FLYWCH2: variants seen among roughly 807,000 people sequenced by gnomAD.
FLYWCH2 encodes FLYWCH family member 2.
Under a neutral mutation model 6.0 loss-of-function variants are expected in FLYWCH2, and 2 were observed. That is an observed-to-expected ratio of 0.33 (90% CI 0.14 to 1.04). The LOEUF (loss-of-function observed/expected upper bound fraction) is 1.04, where lower values mean the gene tolerates loss of function less well. Ranked by LOEUF, FLYWCH2 falls within the 50% of genes least tolerant of loss-of-function variation. FLYWCH2 has a pLI of 0.45. For synonymous variants in FLYWCH2, 87 were observed against 79.3 expected (o/e 1.10, Z -0.52); for missense variants, 192 against 183.4 (o/e 1.05, Z -0.27).
intron 1 of FLYWCH2, among the ~76,000 whole-genome samples, chr16:2,890,286 T>C (rs1222260300): frequency 6.6e-6 from 1 of 151,872 alleles, no homozygotes; most frequent in African/African-American, 2.4e-5. Flanking sequence ...TCTCGCTCTG[T>C]TGCCCAGGCT....
chr16:2,885,116 A>C (rs574193540), intron 1 of FLYWCH2, among the ~76,000 whole-genome samples: 1 of 152,200 alleles, frequency 6.6e-6, no homozygotes, highest in South Asian at 2.1e-4. Flanking sequence ...AGGTCAGGAG[A>C]TCGAGACCAT....
chr16:2,896,690 C>T lies in FLYWCH2; in HGVS notation c.241C>T (p.Leu81Phe). 1 of 1,613,080 alleles carries T rather than the reference C, an allele frequency of 6.2e-7. No individual in the cohort carries two copies. Among genetic ancestry groups the T allele is most frequent in the Non-Finnish European group, 8.5e-7 (1 of 1,179,882 alleles). Residue 81 changes from leucine to phenylalanine, a missense_variant, in exon 3 of 4, where the codon CTC (leucine) becomes TTC (phenylalanine). Coordinates refer to ENST00000396958, the MANE Select transcript of FLYWCH2 (RefSeq NM_138439.3). ...CCCCGCCACCCTTGCCAAGGCCCTC[C>T]TCCAGACCCACCCCGAGGCCCAGCG... ...PGPATLAKAL[L>F]QTHPEAQRAI...
chr16:2,889,189 A>G (rs1457943829), intron 1 of FLYWCH2, among the ~76,000 whole-genome samples: 1 of 145,990 alleles, frequency 6.8e-6, no homozygotes, highest in African/African-American at 2.5e-5. Flanking sequence ...TCATTTTTCA[A>G]TCTGTTCTTC....
chr16:2,886,193 T>A (rs1396029630), intron 1 of FLYWCH2, among the ~76,000 whole-genome samples: 1 of 152,094 alleles, frequency 6.6e-6, no homozygotes, highest in East Asian at 1.9e-4. Flanking sequence ...TATTATTTTT[T>A]TTTTTTAGAC....
chr16:2,894,608 C>T (rs1332705389), intron 1 of FLYWCH2, among the ~76,000 whole-genome samples: 3 of 152,214 alleles, frequency 2.0e-5, no homozygotes, highest in Non-Finnish European at 4.4e-5. Context: ...GTTGGCTTGT[C>T]CGGAGGCGGA....
intron 1 of FLYWCH2, among the ~76,000 whole-genome samples, chr16:2,893,279 C>G (rs2069780272): frequency 6.6e-6 from 1 of 152,274 alleles, no homozygotes; most frequent in South Asian, 2.1e-4. Context: ...AGTCCCAACC[C>G]TCTAACCCTG....
At chr16:2,884,078 C>A (rs1016831927) in intron 1 of FLYWCH2, among the ~76,000 whole-genome samples, 2 of 152,168 alleles carry the variant, frequency 1.3e-5, no homozygotes, top group Admixed American at 6.5e-5. Flanking sequence ...TCAATAACAG[C>A]CCCGCTGTGG....
rs574216581 is a variant in FLYWCH2 at position 2,884,610 on chromosome 16, C to T, written c.-200+1244C>T. On this transcript the variant is annotated intron_variant, in intron 1 of 3. Coordinates refer to ENST00000396958, the MANE Select transcript of FLYWCH2 (RefSeq NM_138439.3). The stretch of plus-strand genomic sequence containing the variant: ...ATTAGTCGGGGCCGGCGCGGTGGCT[C>T]ACGCCTGTAATCCCAGCACTTTGGG... Among the ~76,000 whole-genome samples, 232 of 149,576 alleles carry T rather than the reference C, an allele frequency of 1.6e-3. 1 individual carries two copies. The highest frequency in any genetic ancestry group is 2.2e-3 in the Non-Finnish European group (152 of 67,564).
chr16:2,887,011 G>C (rs897913415), intron 1 of FLYWCH2, among the ~76,000 whole-genome samples: 6 of 152,006 alleles, frequency 3.9e-5, no homozygotes, highest in Non-Finnish European at 7.4e-5. Context: ...TTGAAGTCCA[G>C]TTTATTTCTT....
At chr16:2,884,564 A>AAAAAAAAAAAAAC (rs1372741523) in intron 1 of FLYWCH2, among the ~76,000 whole-genome samples, 22 of 141,596 alleles carry the variant, frequency 1.6e-4, no homozygotes, top group African/African-American at 5.5e-4. Flanking sequence ...CTACTAAAAA[A>AAAAAAAAAAAAAC]AAAAAAAAAA....
chr16:2,898,704 C>G, intron 3 of FLYWCH2: 1 of 222,988 alleles, frequency 4.5e-6, no homozygotes, highest in South Asian at 1.1e-4. Flanking sequence ...GCCAGGGGTC[C>G]CGCAGGCAAT....
intron 1 of FLYWCH2, among the ~76,000 whole-genome samples, chr16:2,885,864 G>A (rs1370304618): frequency 6.6e-6 from 1 of 152,134 alleles, no homozygotes; most frequent in Admixed American, 6.6e-5. Context: ...GAATTGCTGG[G>A]TCATAGGGTA....
intron 1 of FLYWCH2, among the ~76,000 whole-genome samples, chr16:2,889,741 A>G (rs2069735474): frequency 6.6e-6 from 1 of 151,938 alleles, no homozygotes; most frequent in Non-Finnish European, 1.5e-5. Flanking sequence ...GATCTTCCCC[A>G]CCCCCAGCTT....
chr16:2,895,933 T>A (rs900959313), intron 2 of FLYWCH2, among the ~76,000 whole-genome samples: 1 of 152,182 alleles, frequency 6.6e-6, no homozygotes, highest in Non-Finnish European at 1.5e-5. Flanking sequence ...CACCCTGGCA[T>A]GTCTCAGTGT....
chr16:2,884,669 G>C (rs973410646), intron 1 of FLYWCH2, among the ~76,000 whole-genome samples: 14 of 151,180 alleles, frequency 9.3e-5, no homozygotes, highest in South Asian at 2.1e-4. Context: ...GAGGTCGGGA[G>C]TTCGAGACCA....
intron 1 of FLYWCH2, among the ~76,000 whole-genome samples, chr16:2,887,357 C>A (rs977043082): frequency 5.2e-5 from 7 of 134,626 alleles, no homozygotes; most frequent in African/African-American, 2.0e-4. Flanking sequence ...GATGAGGTCT[C>A]GCCATGTTGC....
chr16:2,891,375 A>C (rs2069755400), intron 1 of FLYWCH2, among the ~76,000 whole-genome samples: 1 of 152,162 alleles, frequency 6.6e-6, no homozygotes, highest in South Asian at 2.1e-4. Flanking sequence ...CCAGAGTGGC[A>C]GGGTTCTCTC....
chr16:2,894,195 C>G (rs1191191522), intron 1 of FLYWCH2, among the ~76,000 whole-genome samples: 1 of 152,146 alleles, frequency 6.6e-6, no homozygotes, highest in Non-Finnish European at 1.5e-5. Context: ...GTCTGGGTCC[C>G]TGCCAGCCTT....
At chr16:2,888,963 A>G (rs2069726961) in intron 1 of FLYWCH2, among the ~76,000 whole-genome samples, 1 of 152,122 alleles carries the variant, frequency 6.6e-6, no homozygotes, top group Non-Finnish European at 1.5e-5. Context: ...TAGAAAAGAA[A>G]TATTTGTCAT....
Sources: allele counts gnomAD v4.1 joint callset (sites outside exome capture counted in the v4.1 genomes callset), GRCh38; gene constraint gnomAD v4.1.1; transcripts MANE v1.5; gene names NCBI Gene and HGNC (gene_info 2026-07-23, HGNC 2026-07-21).